Variants in CPLX2 observed in about 807,000 individuals in gnomAD.
The protein encoded by CPLX2 is complexin-2.
A neutral mutation model predicts 16.3 loss-of-function variants in CPLX2; 5 were observed. The observed-to-expected ratio is 0.31, with a 90% CI of 0.16 to 0.64. The LOEUF is 0.64. Among genes scored for constraint, CPLX2 ranks in the 30% least tolerant of loss-of-function variants. The pLI is 0.79. For missense variants in CPLX2, 144 were observed against 181.4 expected (o/e 0.79, Z 1.18); for synonymous variants, 89 against 73.2 (o/e 1.22, Z -1.10).
chr5:175,866,394 G>C (rs1176102663), intron 2 of CPLX2, among the ~76,000 whole-genome samples: 1 of 152,206 alleles, frequency 6.6e-6, no homozygotes, highest in Non-Finnish European at 1.5e-5. Context: ...AGAGAGGAAA[G>C]ATTTACTACC....
intron 2 of CPLX2, among the ~76,000 whole-genome samples, chr5:175,832,443 T>C (rs1158855432): frequency 6.6e-6 from 1 of 152,236 alleles, no homozygotes; most frequent in African/African-American, 2.4e-5. Flanking sequence ...GGGTTCTTTC[T>C]GCCAGGCTGG....
At chr5:175,858,637 C>T (rs1389272802) in intron 2 of CPLX2, among the ~76,000 whole-genome samples, 1 of 152,224 alleles carries the variant, frequency 6.6e-6, no homozygotes, top group Non-Finnish European at 1.5e-5. Flanking sequence ...CAATATATTA[C>T]ACCAAAAATA....
At chr5:175,868,933 A>G (rs754528339), upstream of CPLX2, among the ~76,000 whole-genome samples, 33 of 152,180 alleles carry the variant, frequency 2.2e-4, no homozygotes, top group Admixed American at 7.9e-4. Context: ...TCCCATCTTG[A>G]ACATAAGTGC....
chr5:175,831,079 T>C (rs566737800), intron 2 of CPLX2, among the ~76,000 whole-genome samples: 34 of 151,936 alleles, frequency 2.2e-4, no homozygotes, highest in African/African-American at 7.7e-4. Context: ...TGAAAGCCAG[T>C]GTGCTGATGT....
At chr5:175,871,953 A>C (rs1759633653) in intron 1 of CPLX2, 1 of 152,218 alleles carries the variant, frequency 6.6e-6, no homozygotes, top group Admixed American at 6.5e-5. Flanking sequence ...GCTAGCTGCG[A>C]ACTAAGAGGA....
Position 175,801,167 on chromosome 5 carries a change from A to AAAAAC in CPLX2, c.-169+4387_-169+4388insCAAAA, listed in dbSNP as rs757591501. 1.1e-3 allele frequency among the ~76,000 whole-genome samples: 162 copies of AAAAAC among 151,844 alleles called. 1 individual carries two copies. Among genetic ancestry groups the AAAAAC allele is most frequent in the Non-Finnish European group, 1.3e-3 (85 of 67,918 alleles). On this transcript the variant is annotated intron_variant, in intron 1 of 4. Coordinates refer to the CPLX2 transcript ENST00000359546. ...GCTTTAAGCAGAGGAGTGTTAAAAAAAAAAAAAAACTGGGTTTTAAAAAAA... is the reference window on the plus strand; with the variant it reads ...GCTTTAAGCAGAGGAGTGTTAAAAAAAAAACAAAAAAAAACTGGGTTTTAAAAAAA...
chr5:175,818,178 G>T (rs1370095788), intron 2 of CPLX2, among the ~76,000 whole-genome samples: 1 of 152,130 alleles, frequency 6.6e-6, no homozygotes, highest in African/African-American at 2.4e-5. Context: ...TCAGAGTGGG[G>T]GTAGCTGGCC....
chr5:175,807,448 A>C (rs1399528651), intron 1 of CPLX2, among the ~76,000 whole-genome samples: 1 of 152,212 alleles, frequency 6.6e-6, no homozygotes, highest in Non-Finnish European at 1.5e-5. Context: ...AGGACAGGGA[A>C]GATGCCATTT....
intron 2 of CPLX2, among the ~76,000 whole-genome samples, chr5:175,814,272 G>C (rs911729924): frequency 6.6e-6 from 1 of 152,358 alleles, no homozygotes; most frequent in South Asian, 2.1e-4. Flanking sequence ...CTAAGAAGGA[G>C]GGAGATTGCT....
intron 2 of CPLX2, among the ~76,000 whole-genome samples, chr5:175,817,419 C>G (rs1758428185): frequency 6.6e-6 from 1 of 152,218 alleles, no homozygotes; most frequent in Non-Finnish European, 1.5e-5. Context: ...TGTCCTAACG[C>G]ACAGTATGAC....
Position 175,801,103 on chromosome 5 carries a change from G to A in CPLX2, c.-169+4319G>A, listed in dbSNP as rs552012188. On this transcript the variant is annotated intron_variant, in intron 1 of 4. Coordinates refer to the CPLX2 transcript ENST00000359546. ...GCCCTTCTAGGCCATGGTCAGGATT[G>A]AGGCTTTTATTCTAAATGTAATAGA... 2.0e-5 allele frequency among the ~76,000 whole-genome samples: 3 copies of A among 148,102 alleles called. No homozygotes were observed. In the Admixed American group the frequency reaches 2.0e-4, roughly 10 times the overall value.
chr5:175,855,696 T>C (rs544726612), intron 2 of CPLX2, among the ~76,000 whole-genome samples: 34 of 151,358 alleles, frequency 2.2e-4, no homozygotes, highest in Non-Finnish European at 4.1e-4. Context: ...GAAAGAGAGG[T>C]TTTCTAATAT....
At chr5:175,856,638 T>C (rs1759262774) in intron 2 of CPLX2, among the ~76,000 whole-genome samples, 1 of 152,196 alleles carries the variant, frequency 6.6e-6, no homozygotes. Flanking sequence ...GAGAGGGAGC[T>C]GTCCTGAGGT....
chr5:175,820,593 G>A (rs1402062504), intron 2 of CPLX2, among the ~76,000 whole-genome samples: 1 of 152,166 alleles, frequency 6.6e-6, no homozygotes, highest in Non-Finnish European at 1.5e-5. Flanking sequence ...GAGCCCAGAC[G>A]CCTTTATTTT....
intron 2 of CPLX2, among the ~76,000 whole-genome samples, chr5:175,859,937 G>A (rs566556097): frequency 1.6e-4 from 25 of 152,234 alleles, no homozygotes; most frequent in Non-Finnish European, 2.9e-4. Context: ...TCCCTTCCAG[G>A]TGGCCGAGAC....
chr5:175,848,948 A>T (rs1759100734), intron 2 of CPLX2, among the ~76,000 whole-genome samples: 1 of 152,158 alleles, frequency 6.6e-6, no homozygotes, highest in South Asian at 2.1e-4. Flanking sequence ...GAAGGAAAGG[A>T]GGGCATAGAG....
At position 175,880,082 on chromosome 5, in the gene CPLX2, ACTT is replaced by A. The variant is rs769933057; in HGVS notation, c.*41_*43del. ...GCCCCAGCCTACTCCACCTGTTACT[ACTT>A]CTTTTTGGTTCTTTCTTTTCTTTTT... On this transcript the variant is annotated 3_prime_UTR_variant, in exon 4 of 4. Coordinates refer to ENST00000393745, the MANE Select transcript of CPLX2 (RefSeq NM_001008220.2). The A allele has an allele frequency of 4.9e-5, 77 of 1,580,780 alleles. No homozygotes were observed. The highest frequency in any genetic ancestry group is 1.7e-4 in the Middle Eastern group (1 of 6,022).
In CPLX2 at chr5:175,849,917, G is replaced by A. The variant is rs984284071; in HGVS notation, c.-88-28735G>A. 3.3e-5 allele frequency among the ~76,000 whole-genome samples: 5 copies of A among 152,208 alleles called. No individual in the cohort carries two copies. Among genetic ancestry groups the A allele is most frequent in the Admixed American group, 6.5e-5 (1 of 15,286 alleles). On this transcript the variant is annotated intron_variant, in intron 2 of 4. Transcript: ENST00000359546. This position sits in a 1 kb window ranked among gnomAD's most constrained non-coding sequence, Gnocchi z 4.4. Reference sequence around the variant, plus strand: ...GAATTGTCCCTTTGGGGGAACGACCGTGTGACTCTGAGCATGAGAAGTGTG... The same window carrying A: ...GAATTGTCCCTTTGGGGGAACGACCATGTGACTCTGAGCATGAGAAGTGTG...
chr5:175,822,414 A>G (rs757102523), intron 2 of CPLX2, among the ~76,000 whole-genome samples: 34 of 152,162 alleles, frequency 2.2e-4, no homozygotes, highest in Admixed American at 9.8e-4. Context: ...TCATCTGGAA[A>G]CAGCCTCCTA....
Sources: gnomAD v4.1 joint callset for allele counts (sites outside exome capture counted in the v4.1 genomes callset) on GRCh38, gnomAD v4.1.1 for gene constraint, Gnocchi (gnomAD v3.1) non-coding constraint, MANE v1.5 for transcripts, NCBI Gene and HGNC (gene_info 2026-07-23, HGNC 2026-07-21) for gene names.